The following LPP variants were observed in gnomAD, a reference collection of about 807,000 sequenced individuals.
LPP encodes the protein LIM domain containing preferred translocation partner in lipoma.
Under a neutral mutation model 60.4 loss-of-function variants are expected in LPP, and 38 were observed. That is an observed-to-expected ratio of 0.63 (90% CI 0.49 to 0.83). The LOEUF is 0.83. Among genes scored for constraint, LPP ranks in the 40% least tolerant of loss-of-function variants. LPP has a pLI of 0.00. For missense variants in LPP, 902 were observed against 783.6 expected, an observed-to-expected ratio of 1.15 and a Z score of -1.80; for synonymous variants, 328 against 290.8, an observed-to-expected ratio of 1.13 and a Z score of -1.30.
intron 4 of LPP, among the ~76,000 whole-genome samples, chr3:188,465,003 A>G (rs1800024163): frequency 4.7e-5 from 7 of 149,462 alleles, no homozygotes; most frequent in Admixed American, 2.7e-4. Context: ...AAAAAGCCCA[A>G]GCCCCAAAAC....
chr3:188,410,030 ATG>A (rs1474642920), intron 4 of LPP, among the ~76,000 whole-genome samples: 1 of 152,080 alleles, frequency 6.6e-6, no homozygotes, highest in African/African-American at 2.4e-5. Context: ...TCTTATGACA[ATG>A]TGTTTTTTAA....
At chr3:188,707,619 G>A (rs544129773) in intron 7 of LPP, among the ~76,000 whole-genome samples, 128 of 152,282 alleles carry the variant, frequency 8.4e-4, no homozygotes, top group Admixed American at 1.3e-3. Flanking sequence ...GAACCAAAAT[G>A]TTCGCTTTCT....
Position 188,879,213 on chromosome 3 carries a change from G to A in LPP, c.*4734G>A. Reference sequence around the variant, plus strand: ...AACCTTAAAAAGTTACCTGACTGAAGCTACTATGACTTGGTAAGGATTCTT... The same window carrying A: ...AACCTTAAAAAGTTACCTGACTGAAACTACTATGACTTGGTAAGGATTCTT... On this transcript the variant is annotated 3_prime_UTR_variant, in exon 12 of 12. Coordinates refer to ENST00000617246, the MANE Select transcript of LPP (RefSeq NM_001375462.1). The A allele has an allele frequency of 4.3e-6, 1 of 231,168 alleles. No homozygotes were observed. Among genetic ancestry groups the A allele is most frequent in the African/African-American group, 2.2e-5 (1 of 45,364 alleles). 14.3% of individuals were successfully genotyped at this position (231,168 alleles called of 1,614,324 possible).
In LPP at chr3:188,345,597, A is replaced by G. The variant is rs193091671; in HGVS notation, c.-10+3878A>G. Among the ~76,000 whole-genome samples the G allele has an allele frequency of 2.2e-3, 337 of 152,266 alleles. 3 individuals carry two copies. The South Asian group carries it at 0.024, about 11-fold the overall frequency. ...TCTAGTTCAAGGCCTGCGATTCCCA[A>G]TTGCTGGGCTACACAGCATTAATAG... On this transcript the variant is annotated intron_variant, in intron 3 of 11. Coordinates refer to ENST00000617246, the MANE Select transcript of LPP (RefSeq NM_001375462.1).
At chr3:188,185,451 C>G (rs181283206) in intron 1 of LPP, among the ~76,000 whole-genome samples, 4 of 148,374 alleles carry the variant, frequency 2.7e-5, no homozygotes, top group African/African-American at 7.4e-5. Flanking sequence ...GGATAACTCT[C>G]TTTTCCCCCT....
At chr3:188,555,486 TG>T (rs1041082822) in intron 6 of LPP, among the ~76,000 whole-genome samples, 1 of 152,026 alleles carries the variant, frequency 6.6e-6, no homozygotes, top group Non-Finnish European at 1.5e-5. Flanking sequence ...TAGTTGGTGT[TG>T]GGGAGGGGAT....
chr3:188,213,171 T>C (rs1711977622), intron 1 of LPP: 1 of 152,122 alleles, frequency 6.6e-6, no homozygotes, highest in Non-Finnish European at 1.5e-5. Context: ...TCTGTGGACA[T>C]GTAGGGAGGG....
chr3:188,753,435 T>C (rs1728734594), intron 8 of LPP, among the ~76,000 whole-genome samples: 1 of 152,094 alleles, frequency 6.6e-6, no homozygotes. Context: ...ATGAATCACA[T>C]CGTGGTTAGA....
intron 9 of LPP, among the ~76,000 whole-genome samples, chr3:188,853,010 C>T (rs1204909044): frequency 6.6e-6 from 1 of 151,966 alleles, no homozygotes; most frequent in Admixed American, 6.6e-5. Flanking sequence ...AATTGGTGAG[C>T]ACAGTGTCGG....
At chr3:188,617,249 G>T (rs1580429780) in intron 7 of LPP, among the ~76,000 whole-genome samples, 2 of 152,298 alleles carry the variant, frequency 1.3e-5, no homozygotes, top group Non-Finnish European at 2.9e-5. Flanking sequence ...TACATTTACA[G>T]ATGAGAAAAC....
At chr3:188,867,060 GC>G (rs1168274663) in intron 10 of LPP, among the ~76,000 whole-genome samples, 1 of 151,962 alleles carries the variant, frequency 6.6e-6, no homozygotes, top group Non-Finnish European at 1.5e-5. Flanking sequence ...AAAAAATGGT[GC>G]CTCAAGATCA....
At chr3:188,337,596 T>A (rs1762006690) in intron 2 of LPP, among the ~76,000 whole-genome samples, 1 of 152,236 alleles carries the variant, frequency 6.6e-6, no homozygotes, top group Non-Finnish European at 1.5e-5. Context: ...GGGTTTCTGT[T>A]ACTTCTCTGA....
chr3:188,679,921 T>C (rs1203937932), intron 7 of LPP, among the ~76,000 whole-genome samples: 1 of 152,168 alleles, frequency 6.6e-6, no homozygotes, highest in Non-Finnish European at 1.5e-5. Flanking sequence ...CTGCTGTCAC[T>C]GTGCTGCCTT....
At chr3:188,699,448 AGGCATTTTATG>A (rs1217898406) in intron 7 of LPP, among the ~76,000 whole-genome samples, 1 of 152,174 alleles carries the variant, frequency 6.6e-6, no homozygotes, top group African/African-American at 2.4e-5. Flanking sequence ...GTTTAAGAAA[AGGCATTTTATG>A]GGCATCGATG....
At chr3:188,407,787 T>TTTG (rs775435868) in intron 4 of LPP, among the ~76,000 whole-genome samples, 4 of 100,288 alleles carry the variant, frequency 4.0e-5, no homozygotes, top group Non-Finnish European at 7.8e-5. Context: ...TTTGTTTGTT[T>TTTG]GTTTTTTTTT....
intron 6 of LPP, among the ~76,000 whole-genome samples, chr3:188,589,710 T>C (rs1182291609): frequency 6.6e-6 from 1 of 152,246 alleles, no homozygotes; most frequent in East Asian, 1.9e-4. Flanking sequence ...TTGAAGCTAC[T>C]CATTTGCCAT....
chr3:188,672,822 T>G (rs1857209843), intron 7 of LPP, among the ~76,000 whole-genome samples: 1 of 152,232 alleles, frequency 6.6e-6, no homozygotes, highest in South Asian at 2.1e-4. Flanking sequence ...GTATGTTTTC[T>G]CTTTTAAAGG....
intron 7 of LPP, among the ~76,000 whole-genome samples, chr3:188,654,622 A>G (rs756919828): frequency 2.0e-5 from 3 of 152,136 alleles, no homozygotes; most frequent in Non-Finnish European, 4.4e-5. Context: ...ATTTTCCACA[A>G]TTTTCTCCAA....
chr3:188,334,642 G>C (rs1578166287), intron 2 of LPP, among the ~76,000 whole-genome samples: 3 of 152,144 alleles, frequency 2.0e-5, no homozygotes, highest in African/African-American at 7.2e-5. Flanking sequence ...TATTGGCCAG[G>C]ATGGTCTCCT....
Sources: allele counts gnomAD v4.1 joint callset (sites outside exome capture counted in the v4.1 genomes callset), GRCh38; gene constraint gnomAD v4.1.1; transcripts MANE v1.5; gene names NCBI Gene and HGNC (gene_info 2026-07-23, HGNC 2026-07-21).